Variants in DENND1A observed in about 807,000 individuals in gnomAD.
DENND1A encodes the protein DENN domain-containing protein 1A.
A neutral mutation model predicts 113.7 loss-of-function variants in DENND1A; 51 were observed. The ratio of observed to expected loss-of-function variants is 0.45; its 90% confidence interval spans 0.36 to 0.57. The LOEUF (loss-of-function observed/expected upper bound fraction) is 0.57, where lower values mean the gene tolerates loss of function less well. Ranked by LOEUF, DENND1A falls within the 20% of genes least tolerant of loss-of-function variation. The pLI, the probability that DENND1A is intolerant of heterozygous loss-of-function variation, is 0.00. For missense variants in DENND1A, 1,258 were observed against 1,395.9 expected (o/e 0.90, Z 1.57); for synonymous variants, 565 against 570.8 (o/e 0.99, Z 0.14).
At chr9:123,818,527 C>T (rs865898768) in intron 2 of DENND1A, among the ~76,000 whole-genome samples, 35 of 40,778 alleles carry the variant, frequency 8.6e-4, no homozygotes, top group African/African-American at 1.7e-3. Flanking sequence ...TATACACACA[C>T]ACACACACAC....
At chr9:123,806,249 C>G (rs541193536) in intron 2 of DENND1A, among the ~76,000 whole-genome samples, 4 of 151,122 alleles carry the variant, frequency 2.6e-5, no homozygotes, top group Admixed American at 6.6e-5. Flanking sequence ...GCCCGGCCAA[C>G]ATACTGTTTG....
At chr9:123,450,631 T>C (rs1588593586) in intron 18 of DENND1A, 62 bp downstream of exon 18, 1 of 1,425,356 alleles carries the variant, frequency 7.0e-7, no homozygotes, top group East Asian at 2.3e-5. Context: ...CCCCTCATAC[T>C]TTTTTGTGGC....
At chr9:123,525,399 C>T (rs532580251) in intron 13 of DENND1A, among the ~76,000 whole-genome samples, 1 of 152,254 alleles carries the variant, frequency 6.6e-6, no homozygotes, top group East Asian at 1.9e-4. Context: ...TTTTCGAGGG[C>T]ATCTCTGAAA....
At chr9:123,394,787 T>C (rs1467037218) in intron 21 of DENND1A, among the ~76,000 whole-genome samples, 1 of 152,208 alleles carries the variant, frequency 6.6e-6, no homozygotes, top group Non-Finnish European at 1.5e-5. Context: ...TTGGGGGCAC[T>C]TTCCTCTGCA....
intron 8 of DENND1A, among the ~76,000 whole-genome samples, chr9:123,665,986 G>C (rs1336663803): frequency 3.3e-5 from 5 of 152,220 alleles, no homozygotes; most frequent in African/African-American, 1.2e-4. Flanking sequence ...TCACTTATGT[G>C]AAGTACTATA....
chr9:123,835,157 A>T lies in DENND1A; in HGVS notation c.89-42527T>A, dbSNP rs1590289064. On this transcript the variant is annotated intron_variant, in intron 2 of 23. Coordinates refer to ENST00000394215, the MANE Select transcript of DENND1A (RefSeq NM_001352964.2). ...ATGTCTCTTCTATTATACTCGGTGA[A>T]CTAATCAGGACAATGAAACCAAATA... Among the ~76,000 whole-genome samples the T allele has an allele frequency of 2.6e-5, 4 of 152,270 alleles. No homozygotes were observed. In the East Asian group the frequency reaches 7.7e-4, roughly 29 times the overall value.
At chr9:123,512,164 G>C (rs2053512074) in intron 13 of DENND1A, among the ~76,000 whole-genome samples, 1 of 152,206 alleles carries the variant, frequency 6.6e-6, no homozygotes, top group African/African-American at 2.4e-5. Flanking sequence ...GAATTGATTA[G>C]TCAAACATAT....
At chr9:123,829,040 G>A (rs1197485484) in intron 2 of DENND1A, among the ~76,000 whole-genome samples, 1 of 152,172 alleles carries the variant, frequency 6.6e-6, no homozygotes, top group African/African-American at 2.4e-5. Context: ...CAAATCATAT[G>A]CTTTTAAGCA....
intron 1 of DENND1A, among the ~76,000 whole-genome samples, chr9:123,911,947 G>T (rs1854066398): frequency 6.6e-6 from 1 of 151,932 alleles, no homozygotes; most frequent in Non-Finnish European, 1.5e-5. Context: ...GCCCACCTCG[G>T]CCTCCCAAAG....
chr9:123,699,520 C>G (rs973350914), intron 5 of DENND1A, among the ~76,000 whole-genome samples: 10 of 151,958 alleles, frequency 6.6e-5, no homozygotes, highest in African/African-American at 2.2e-4. Flanking sequence ...CCAGGTTCCC[C>G]CCTCACCCTG....
chr9:123,415,845 C>T (rs1304848758), intron 19 of DENND1A, among the ~76,000 whole-genome samples: 1 of 152,104 alleles, frequency 6.6e-6, no homozygotes, highest in African/African-American at 2.4e-5. Flanking sequence ...CGTGGTGGGG[C>T]CATCGGCCAT....
intron 2 of DENND1A, among the ~76,000 whole-genome samples, chr9:123,814,351 T>C (rs1837118816): frequency 6.6e-6 from 1 of 152,164 alleles, no homozygotes; most frequent in African/African-American, 2.4e-5. Context: ...TTATTGAGAA[T>C]ATCATTTTTA....
intron 13 of DENND1A, among the ~76,000 whole-genome samples, chr9:123,540,328 C>T (rs193267034): frequency 6.6e-6 from 1 of 152,248 alleles, no homozygotes; most frequent in African/African-American, 2.4e-5. Context: ...AGTAGCATGC[C>T]CAAAATTACA....
At position 123,393,545 on chromosome 9, in the gene DENND1A, A is replaced by T. The variant is rs116920335; in HGVS notation, c.1632-5687T>A. ...GACCGCATCTTAAAAAAATAAAAAA[A>T]AAAAAAAGAAGGTGGCTCTGAACCA... On this transcript the variant is annotated intron_variant, in intron 21 of 23. Coordinates refer to ENST00000394215, the MANE Select transcript of DENND1A (RefSeq NM_001352964.2). 1.3e-3 allele frequency among the ~76,000 whole-genome samples: 200 copies of T among 152,020 alleles called. 2 individuals carry two copies. Among genetic ancestry groups the T allele is most frequent in the East Asian group, 0.012 (64 of 5,152 alleles).
At chr9:123,844,202 T>C (rs1842244232) in intron 2 of DENND1A, among the ~76,000 whole-genome samples, 1 of 152,138 alleles carries the variant, frequency 6.6e-6, no homozygotes, top group Admixed American at 6.5e-5. Context: ...CAACACTGTA[T>C]TGGAGGTTCT....
intron 20 of DENND1A, among the ~76,000 whole-genome samples, chr9:123,410,348 C>A (rs774344517): frequency 6.6e-6 from 1 of 152,170 alleles, no homozygotes; most frequent in Admixed American, 6.5e-5. Flanking sequence ...CTCCTGTCCC[C>A]CAAAGCAGTT....
intron 6 of DENND1A, among the ~76,000 whole-genome samples, chr9:123,674,143 T>C (rs1366652664): frequency 6.6e-6 from 1 of 152,066 alleles, no homozygotes; most frequent in East Asian, 1.9e-4. Context: ...TCCCTCAGGC[T>C]CCGACACCCT....
At chr9:123,647,175 T>G (rs1281879462) in intron 9 of DENND1A, among the ~76,000 whole-genome samples, 1 of 152,154 alleles carries the variant, frequency 6.6e-6, no homozygotes, top group Admixed American at 6.6e-5. Context: ...TAAAAAATTT[T>G]GAATTATATT....
chr9:123,480,609 C>T (rs1354133251), intron 13 of DENND1A, among the ~76,000 whole-genome samples: 1 of 152,190 alleles, frequency 6.6e-6, no homozygotes, highest in African/African-American at 2.4e-5. Flanking sequence ...CCCCCATAGC[C>T]ATCCCTCTTG....
Sources: gnomAD v4.1 joint callset for allele counts (sites outside exome capture counted in the v4.1 genomes callset) on GRCh38, gnomAD v4.1.1 for gene constraint, MANE v1.5 for transcripts, NCBI Gene and HGNC (gene_info 2026-07-23, HGNC 2026-07-21) for gene names.